PHACTR2: variants seen among roughly 807,000 people sequenced by gnomAD.
The protein encoded by PHACTR2 is phosphatase and actin regulator 2, also known as chromosome 6 open reading frame 56.
A neutral mutation model predicts 76.0 loss-of-function variants in PHACTR2; 30 were observed. That is an observed-to-expected ratio of 0.39 (90% confidence interval 0.30 to 0.54). The LOEUF is 0.54. Ranked by LOEUF, PHACTR2 falls within the 20% of genes least tolerant of loss-of-function variation. The probability of loss-of-function intolerance (pLI) is 0.61; values close to 1 mark genes in which losing one functional copy is unlikely to be tolerated. For missense variants in PHACTR2, 696 were observed against 781.1 expected, an observed-to-expected ratio of 0.89 and a Z score of 1.30; for synonymous variants, 292 against 292.5, an observed-to-expected ratio of 1.00 and a Z score of 0.02.
chr6:143,706,888 C>A (rs913335753), intron 1 of PHACTR2, among the ~76,000 whole-genome samples: 1 of 152,206 alleles, frequency 6.6e-6, no homozygotes, highest in African/African-American at 2.4e-5. Flanking sequence ...CATCAGTTCA[C>A]CCTAACCAGT....
Position 143,671,006 on chromosome 6 carries a change from C to T in PHACTR2, c.14-41010C>T, listed in dbSNP as rs9373396. Among the ~76,000 whole-genome samples, 24,570 of 151,730 alleles carry T rather than the reference C, an allele frequency of 0.16. 2,131 individuals are homozygous for T. Among genetic ancestry groups the T allele is most frequent in the East Asian group, 0.35 (1,771 of 5,130 alleles). On this transcript the variant is annotated intron_variant, in intron 1 of 11. Transcript: ENST00000305766. The surrounding 1 kb of genome is among the most constrained non-coding windows in gnomAD (Gnocchi z 4.6). ...TGGCACGATCTCGACTCACTGCAAC[C>T]TCCACCTCCCAGTTCCAGGTTCAAG...
chr6:143,817,799 A>T (rs1422073213), intron 12 of PHACTR2, among the ~76,000 whole-genome samples: 1 of 152,252 alleles, frequency 6.6e-6, no homozygotes, highest in Non-Finnish European at 1.5e-5. Flanking sequence ...GAAGCTAAAA[A>T]GTTGATCTCA....
rs888786437 is a variant in PHACTR2 at position 143,570,014 on chromosome 6, T to C, written c.217+32807T>C. Among the ~76,000 whole-genome samples, 3 of 152,178 alleles carry C rather than the reference T, an allele frequency of 2.0e-5. No homozygotes were observed. The highest frequency in any genetic ancestry group is 2.0e-4 in the Admixed American group (3 of 15,278). Reference sequence around the variant, plus strand: ...TAGATGTTTTTGAATGAGTAAACATTACTATAAAAAATGTTTAAATCTAGG... The same window carrying C: ...TAGATGTTTTTGAATGAGTAAACATCACTATAAAAAATGTTTAAATCTAGG... On this transcript the variant is annotated intron_variant, in intron 1 of 11. Coordinates refer to the PHACTR2 transcript ENST00000367584. The surrounding 1 kb of genome is among the most constrained non-coding windows in gnomAD (Gnocchi z 4.6).
intron 2 of PHACTR2, among the ~76,000 whole-genome samples, chr6:143,725,695 G>A (rs1016779508): frequency 1.3e-5 from 2 of 151,606 alleles, no homozygotes; most frequent in African/African-American, 4.8e-5. Context: ...AATTAGCTGG[G>A]CATCGCCTGT....
chr6:143,668,922 T>A (rs903579789), intron 1 of PHACTR2, among the ~76,000 whole-genome samples: 1 of 152,134 alleles, frequency 6.6e-6, no homozygotes, highest in African/African-American at 2.4e-5. Context: ...GCTTTTGAAT[T>A]TGTTTGCTCT....
rs1447844352 is a variant in PHACTR2, at chr6:143,761,850, G to A, written c.694+1210G>A. Among the ~76,000 whole-genome samples the A allele has an allele frequency of 6.6e-6, 1 of 151,968 alleles. No homozygotes were observed. Among genetic ancestry groups the A allele is most frequent in the Non-Finnish European group, 1.5e-5 (1 of 67,962 alleles). ...GTGTTGATCTTTTTCCTCTCATAATGTATGACCATAATGCTCAAATTCAGA... is the reference window on the plus strand; with the variant it reads ...GTGTTGATCTTTTTCCTCTCATAATATATGACCATAATGCTCAAATTCAGA... On this transcript the variant is annotated intron_variant, in intron 5 of 12. Coordinates refer to ENST00000440869, the MANE Select transcript of PHACTR2 (RefSeq NM_001100164.2). The surrounding 1 kb of genome is among the most constrained non-coding windows in gnomAD (Gnocchi z 5.2).
chr6:143,637,105 G>A (rs1776468589), intron 1 of PHACTR2, among the ~76,000 whole-genome samples: 1 of 152,148 alleles, frequency 6.6e-6, no homozygotes, highest in African/African-American at 2.4e-5. Flanking sequence ...GAGTGTCCAG[G>A]GGTTGCATAG....
rs1041463113 is a variant in PHACTR2, at chr6:143,743,888, T to C, written c.215-5097T>C. 1.3e-5 allele frequency among the ~76,000 whole-genome samples: 2 copies of C among 152,230 alleles called. No homozygotes were observed. The highest frequency in any genetic ancestry group is 2.9e-5 in the Non-Finnish European group (2 of 68,044). The stretch of plus-strand genomic sequence containing the variant: ...CCAAAGAAAAACACAAGTGACTTGT[T>C]GACTACAAGATTTACTCTCACAGAT... On this transcript the variant is annotated intron_variant, in intron 2 of 12. Coordinates refer to ENST00000440869, the MANE Select transcript of PHACTR2 (RefSeq NM_001100164.2). The surrounding 1 kb of genome is among the most constrained non-coding windows in gnomAD (Gnocchi z 5.0).
Position 143,793,198 on chromosome 6 carries a change from G to A in PHACTR2, c.1845+4288G>A, listed in dbSNP as rs1238718598. Among the ~76,000 whole-genome samples the A allele has an allele frequency of 2.0e-5, 3 of 152,066 alleles. No individual in the cohort carries two copies. Among genetic ancestry groups the A allele is most frequent in the Non-Finnish European group, 4.4e-5 (3 of 68,010 alleles). ...CTAAATTGTCCAAACCCTAGAAACA[G>A]TTCCTTTTGACTCTTGTTCTTTTGT... On this transcript the variant is annotated intron_variant, in intron 11 of 12. Coordinates refer to ENST00000440869, the MANE Select transcript of PHACTR2 (RefSeq NM_001100164.2). The surrounding 1 kb of genome is among the most constrained non-coding windows in gnomAD (Gnocchi z 4.4).
rs528024483 is a variant in PHACTR2, at chr6:143,591,866, A to G, written c.217+54659A>G. On this transcript the variant is annotated intron_variant, in intron 1 of 11. Coordinates refer to the PHACTR2 transcript ENST00000367584. The surrounding 1 kb of genome is among the most constrained non-coding windows in gnomAD (Gnocchi z 6.4). Reference sequence around the variant, plus strand: ...TTTGGGCCCTAGAATTCCTGGCTCAAACAGGGAATTTGTCCACTTCCAGGT... The same window carrying G: ...TTTGGGCCCTAGAATTCCTGGCTCAGACAGGGAATTTGTCCACTTCCAGGT... Among the ~76,000 whole-genome samples the G allele has an allele frequency of 5.3e-5, 8 of 152,312 alleles. No individual in the cohort carries two copies. The highest frequency in any genetic ancestry group is 1.9e-4 in the African/African-American group (8 of 41,570).
At position 143,822,736 on chromosome 6, in the gene PHACTR2, T is replaced by G. The variant is rs762088546; in HGVS notation, c.1923-938T>G. ...GAATTGCAGAAGTAGGCTGAAGAGC[T>G]TGATCACTTAAGGCTTTATGGAGAA... On this transcript the variant is annotated intron_variant, in intron 12 of 12. Transcript: ENST00000440869. This position sits in a 1 kb window ranked among gnomAD's most constrained non-coding sequence, Gnocchi z 5.5. Among the ~76,000 whole-genome samples, 21 of 152,332 alleles carry G rather than the reference T, an allele frequency of 1.4e-4. No individual in the cohort carries two copies. The highest frequency in any genetic ancestry group is 2.2e-4 in the Non-Finnish European group (15 of 68,030).
Position 143,629,881 on chromosome 6 carries a change from G to T in PHACTR2, c.13+21559G>T, listed in dbSNP as rs186933500. Among the ~76,000 whole-genome samples the T allele has an allele frequency of 3.2e-4, 49 of 152,182 alleles. 1 individual carries two copies. Among genetic ancestry groups the T allele is most frequent in the Non-Finnish European group, 5.1e-4 (35 of 67,998 alleles). On this transcript the variant is annotated intron_variant, in intron 1 of 11. Coordinates refer to the PHACTR2 transcript ENST00000305766. ...TCTGTGTCGTGTGTTATTCATTGCT[G>T]GGAACAACCTGTAAAATGTGCCATC...
At chr6:143,644,559 T>C (rs894359661) in intron 1 of PHACTR2, among the ~76,000 whole-genome samples, 3 of 151,718 alleles carry the variant, frequency 2.0e-5, no homozygotes, top group African/African-American at 7.3e-5. Context: ...TTTGGACTCA[T>C]GTATATTTTA....
At chr6:143,544,992 G>A (rs139969133) in intron 1 of PHACTR2, among the ~76,000 whole-genome samples, 1,634 of 151,292 alleles carry the variant, frequency 0.011, 37 homozygotes, top group African/African-American at 0.035. Flanking sequence ...CACCCAGGCT[G>A]GAATGCAGTG....
In PHACTR2 at chr6:143,764,293, G is replaced by T. The variant is rs1779504293; in HGVS notation, c.695-968G>T. ...CTCTCACTTTGGGAGGCTGAGATGG[G>T]TGAATCCCTTGAGCCCAGGAGTTCA... On this transcript the variant is annotated intron_variant, in intron 5 of 12. Transcript: ENST00000440869. The surrounding 1 kb of genome is among the most constrained non-coding windows in gnomAD (Gnocchi z 4.7). 6.6e-6 allele frequency among the ~76,000 whole-genome samples: 1 copy of T among 152,128 alleles called. No homozygotes were observed.
In PHACTR2 at chr6:143,728,063, T is replaced by C. The variant is rs533007314; in HGVS notation, c.214+15880T>C. On this transcript the variant is annotated intron_variant, in intron 2 of 12. Coordinates refer to ENST00000440869, the MANE Select transcript of PHACTR2 (RefSeq NM_001100164.2). ...ACAAACTGCAGATGACATGATTTTATATCTAGAAACTCTTAGATCTGATAA... is the reference window on the plus strand; with the variant it reads ...ACAAACTGCAGATGACATGATTTTACATCTAGAAACTCTTAGATCTGATAA... 1.0e-3 allele frequency among the ~76,000 whole-genome samples: 157 copies of C among 152,304 alleles called. 1 individual carries two copies. Among genetic ancestry groups the C allele is most frequent in the African/African-American group, 3.7e-3 (152 of 41,578 alleles).
Position 143,767,965 on chromosome 6 carries a change from G to A in PHACTR2, c.1232+2167G>A, listed in dbSNP as rs1315864444. 1.3e-5 allele frequency among the ~76,000 whole-genome samples: 2 copies of A among 152,082 alleles called. No individual in the cohort carries two copies. The highest frequency in any genetic ancestry group is 6.6e-5 in the Admixed American group (1 of 15,260). ...CAATTCTCCTGCCTCAGCCTCCCCA[G>A]TAACTGGAACTACGGGTGCCTGCCA... On this transcript the variant is annotated intron_variant, in intron 6 of 12. Coordinates refer to ENST00000440869, the MANE Select transcript of PHACTR2 (RefSeq NM_001100164.2). This position sits in a 1 kb window ranked among gnomAD's most constrained non-coding sequence, Gnocchi z 4.4.
chr6:143,600,643 A>C (rs780251653), intron 1 of PHACTR2, among the ~76,000 whole-genome samples: 2 of 152,248 alleles, frequency 1.3e-5, no homozygotes, highest in African/African-American at 2.4e-5. Flanking sequence ...ATTTAGAAAG[A>C]GGCCTGTATC....
In PHACTR2 at chr6:143,684,772, A is replaced by G. The variant is rs1777476713; in HGVS notation, c.46+6563A>G. Among the ~76,000 whole-genome samples, 1 of 152,210 alleles carries G rather than the reference A, an allele frequency of 6.6e-6. No individual in the cohort carries two copies. Among genetic ancestry groups the G allele is most frequent in the Admixed American group, 6.5e-5 (1 of 15,284 alleles). ...ACAAGTGGAACTTTAGCATGTATTT[A>G]ATTCCCACTCATTCTCTTACCTATG... On this transcript the variant is annotated intron_variant, in intron 1 of 12. Coordinates refer to ENST00000440869, the MANE Select transcript of PHACTR2 (RefSeq NM_001100164.2). The surrounding 1 kb of genome is among the most constrained non-coding windows in gnomAD (Gnocchi z 4.3).
Sources: gnomAD v4.1 joint callset for allele counts (sites outside exome capture counted in the v4.1 genomes callset) on GRCh38, gnomAD v4.1.1 for gene constraint, Gnocchi (gnomAD v3.1) non-coding constraint, MANE v1.5 for transcripts, NCBI Gene and HGNC (gene_info 2026-07-23, HGNC 2026-07-21) for gene names.